The following PRDM7 variants were observed in gnomAD, a reference collection of about 807,000 sequenced individuals.
PRDM7 encodes PR/SET domain 7.
Under a neutral mutation model 64.3 loss-of-function variants are expected in PRDM7, and 52 were observed. That is an observed-to-expected ratio of 0.81 (90% CI 0.65 to 1.02). The LOEUF is 1.02. Among genes scored for constraint, PRDM7 ranks in the 50% least tolerant of loss-of-function variants. PRDM7 has a pLI of 0.00. For missense variants in PRDM7, 574 were observed against 597.1 expected, an observed-to-expected ratio of 0.96 and a Z score of 0.40; for synonymous variants, 192 against 210.1, an observed-to-expected ratio of 0.91 and a Z score of 0.74.
intron 7 of PRDM7, 93 bp downstream of exon 7, chr16:90,062,308 T>C: frequency 6.2e-7 from 1 of 1,613,560 alleles, no homozygotes; most frequent in Non-Finnish European, 8.5e-7. Context: ...CTTTAATTCA[T>C]TCGAGTAAGG....
Position 90,057,935 on chromosome 16 carries a change from C to T in PRDM7, c.*354G>A. The T allele has an allele frequency of 6.3e-7, 1 of 1,587,278 alleles. No individual in the cohort carries two copies. The highest frequency in any genetic ancestry group is 8.6e-7 in the Non-Finnish European group (1 of 1,162,016). On this transcript the variant is annotated 3_prime_UTR_variant, in exon 11 of 11. Coordinates refer to ENST00000449207, the MANE Select transcript of PRDM7 (RefSeq NM_001098173.2). ...GCTAAAGCCCCGCTCACACTCTCTG[C>T]AGACATAAGGCTTCTCCCCTGTGTG...
Position 90,075,773 on chromosome 16 carries a change from C to T in PRDM7, c.69+69G>A, listed in dbSNP as rs2050580511. The T allele has an allele frequency of 7.7e-6, 12 of 1,555,646 alleles. No individual in the cohort carries two copies. The highest frequency in any genetic ancestry group is 1.8e-5 in the Admixed American group (1 of 55,776). On this transcript the variant is annotated intron_variant, in intron 2 of 10. Transcript: ENST00000449207. This position sits in a 1 kb window ranked among gnomAD's most constrained non-coding sequence, Gnocchi z 4.3. ...AGACAGAGTCACCCAAGGGTACAGG[C>T]CAGGAGTCTGCAGCACTCCAGAGAT...
intron 4 of PRDM7, among the ~76,000 whole-genome samples, chr16:90,068,336 A>G (rs2037907373): frequency 6.6e-6 from 1 of 150,960 alleles, no homozygotes; most frequent in Non-Finnish European, 1.5e-5. Flanking sequence ...AAATTGTTAG[A>G]AGTAATACAC....
At position 90,057,869 on chromosome 16, in the gene PRDM7, C is replaced by G. The variant is rs1338100071; in HGVS notation, c.*420G>C. On this transcript the variant is annotated 3_prime_UTR_variant, in exon 11 of 11. Transcript: ENST00000449207. ...ATCCTTCCTGCAGACTGGGGCGTCT[C>G]CCCTGTGTGTCCTCTGGTGAATGAG... is the stretch of plus-strand genomic sequence containing the variant. 3.3e-6 allele frequency: 5 copies of G among 1,512,956 alleles called. No individual in the cohort carries two copies. In the East Asian group the frequency reaches 1.3e-4, roughly 40 times the overall value. The allele number at this position is 1,512,956 out of a possible 1,614,324, so 93.7% of individuals were successfully genotyped here. A position where few individuals can be genotyped will look rare whatever the true frequency, so the allele number is the denominator to read the frequency against.
chr16:90,073,743 T>G (rs1007716880), intron 4 of PRDM7, among the ~76,000 whole-genome samples: 2 of 151,856 alleles, frequency 1.3e-5, no homozygotes, highest in Non-Finnish European at 2.9e-5. Flanking sequence ...AATTCTGAAA[T>G]GTAGCTGAGA....
At position 90,057,956 on chromosome 16, in the gene PRDM7, G is replaced by C. The variant is rs1224058570; in HGVS notation, c.*333C>G. The stretch of plus-strand genomic sequence containing the variant: ...TCTGCAGACATAAGGCTTCTCCCCT[G>C]TGTGTGTCCTCTGGTGACTGAGGAG... On this transcript the variant is annotated 3_prime_UTR_variant, in exon 11 of 11. Transcript: ENST00000449207. 1 of 1,599,312 alleles carries C rather than the reference G, an allele frequency of 6.3e-7. No homozygotes were observed. The highest frequency in any genetic ancestry group is 2.3e-5 in the East Asian group (1 of 44,152).
intron 4 of PRDM7, among the ~76,000 whole-genome samples, chr16:90,074,532 T>C (rs1333605259): frequency 6.6e-6 from 1 of 151,846 alleles, no homozygotes; most frequent in Non-Finnish European, 1.5e-5. Context: ...GCCGAGATTC[T>C]ACCACTGTAC....
chr16:90,061,656 C>G, intron 8 of PRDM7, 137 bp from the exon 9 acceptor site: 1 of 1,169,902 alleles, frequency 8.5e-7, no homozygotes, highest in Non-Finnish European at 1.2e-6. Flanking sequence ...GCACCTTAGT[C>G]ATCATCTACA....
rs753148019 is a variant in PRDM7, at chr16:90,058,382, C to G, written c.1386G>C (p.Gln462His). Residue 462 changes from glutamine to histidine, a missense_variant, in exon 11 of 11, where the codon CAG becomes CAC. By Grantham distance (24) the Gln-to-His change is conservative. Transcript: ENST00000449207. ...ENFSNQRIPA[Q>H]GIRIRSGNIL... ...TATTGCCGCTCCTGATTCTGATCCCCTGGGCAGGGATTCTCTGGTTGGAGA... is the reference window on the plus strand; with the variant it reads ...TATTGCCGCTCCTGATTCTGATCCCGTGGGCAGGGATTCTCTGGTTGGAGA... 1 of 1,614,194 alleles carries G rather than the reference C, an allele frequency of 6.2e-7. No individual in the cohort carries two copies. Among genetic ancestry groups the G allele is most frequent in the South Asian group, 1.1e-5 (1 of 91,078 alleles).
intron 4 of PRDM7, among the ~76,000 whole-genome samples, chr16:90,070,409 A>G (rs2151311758): frequency 6.6e-6 from 1 of 151,058 alleles, no homozygotes; most frequent in East Asian, 1.9e-4. Flanking sequence ...CCTGGTCAGC[A>G]TGGTAAAACC....
At chr16:90,072,708 G>C (rs1322106595) in intron 4 of PRDM7, among the ~76,000 whole-genome samples, 4 of 152,156 alleles carry the variant, frequency 2.6e-5, no homozygotes, top group African/African-American at 9.7e-5. Context: ...ATTGTTAGAA[G>C]AGTAAATATA....
intron 9 of PRDM7, 36 bp from the exon 10 acceptor site, chr16:90,060,659 A>G (rs2037760565): frequency 1.9e-6 from 3 of 1,609,564 alleles, no homozygotes; most frequent in Admixed American, 1.7e-5. Context: ...AGAAAGAGGC[A>G]GTGAGTTCCC....
Position 90,057,734 on chromosome 16 carries a change from T to TA in PRDM7, c.*554dup. The TA allele has an allele frequency of 7.1e-6, 9 of 1,262,400 alleles. No homozygotes were observed. The highest frequency in any genetic ancestry group is 8.2e-6 in the Non-Finnish European group (8 of 975,388). 78.2% of individuals were successfully genotyped at this position (1,262,400 alleles called of 1,614,324 possible). Reference sequence around the variant, plus strand: ...TACACTCTCGGGGAATGTAAGGGGTTAGCAGACTTTCGCTGAAGCCACCTC... The same window carrying TA: ...TACACTCTCGGGGAATGTAAGGGGTTAAGCAGACTTTCGCTGAAGCCACCTC... On this transcript the variant is annotated 3_prime_UTR_variant, in exon 11 of 11. Coordinates refer to ENST00000449207, the MANE Select transcript of PRDM7 (RefSeq NM_001098173.2).
chr16:90,066,290 T>G (rs1304663659), intron 5 of PRDM7, among the ~76,000 whole-genome samples: 2 of 151,302 alleles, frequency 1.3e-5, no homozygotes, highest in East Asian at 3.9e-4. Flanking sequence ...ATGAATTGTC[T>G]ATTTACTTGG....
intron 4 of PRDM7, among the ~76,000 whole-genome samples, chr16:90,067,197 C>G (rs1396216501): frequency 2.0e-5 from 3 of 151,096 alleles, no homozygotes; most frequent in Non-Finnish European, 4.4e-5. Flanking sequence ...AACTCCTGAC[C>G]TTAGGTGATC....
chr16:90,072,257 G>A (rs1238640063), intron 4 of PRDM7, among the ~76,000 whole-genome samples: 1 of 151,296 alleles, frequency 6.6e-6, no homozygotes, highest in South Asian at 2.1e-4. Flanking sequence ...AATTAAAAAC[G>A]ATCTCAAAGA....
Position 90,075,572 on chromosome 16 carries a change from G to A in PRDM7, c.70-98C>T. 2 of 1,590,486 alleles carry A rather than the reference G, an allele frequency of 1.3e-6. No homozygotes were observed. The highest frequency in any genetic ancestry group is 1.7e-6 in the Non-Finnish European group (2 of 1,159,900). On this transcript the variant is annotated intron_variant, in intron 2 of 10. Transcript: ENST00000449207. This position sits in a 1 kb window ranked among gnomAD's most constrained non-coding sequence, Gnocchi z 4.3. ...TGTAGGGCATAGCCTGGGGCCTCTGGGAGTCTCTGTGAAACATAAAGACCT... is the reference window on the plus strand; with the variant it reads ...TGTAGGGCATAGCCTGGGGCCTCTGAGAGTCTCTGTGAAACATAAAGACCT...
intron 8 of PRDM7, 119 bp from the exon 9 acceptor site, chr16:90,061,638 C>A: frequency 8.0e-7 from 1 of 1,247,042 alleles, no homozygotes; most frequent in Non-Finnish European, 1.2e-6. Context: ...ACTGAGACCA[C>A]ATGGCATGCA....
In PRDM7 at chr16:90,063,684, C is replaced by G. The variant is rs552727013; in HGVS notation, c.436G>C (p.Glu146Gln). ...GGGGACACTGGTTTCTGAGCCTGCT[C>G]TGAGTCACTTGTATTCAGTAAATTT... ...TPNLLNTSDS[E>Q]QAQKPVSPPG... The change falls in exon 6 of 11, where the codon GAG becomes CAG. Residue 146 changes from glutamate to glutamine, a missense_variant. Physicochemically the swap from Glu to Gln is conservative, Grantham distance 29. Transcript: ENST00000449207. The G allele has an allele frequency of 1.2e-6, 2 of 1,614,180 alleles. No homozygotes were observed. Among genetic ancestry groups the G allele is most frequent in the Admixed American group, 1.7e-5 (1 of 60,024 alleles).
Sources: allele counts gnomAD v4.1 joint callset (sites outside exome capture counted in the v4.1 genomes callset), GRCh38; gene constraint gnomAD v4.1.1; non-coding constraint Gnocchi (gnomAD v3.1); transcripts MANE v1.5; gene names NCBI Gene and HGNC (gene_info 2026-07-23, HGNC 2026-07-21).